The following STEAP1B variants were observed in gnomAD, a reference collection of about 807,000 sequenced individuals.
The protein encoded by STEAP1B is STEAP family protein MGC87042.
In STEAP1B, 13 loss-of-function variants were observed where a neutral mutation model predicts 27.9. The ratio of observed to expected loss-of-function variants is 0.47; its 90% CI spans 0.30 to 0.74. The LOEUF is 0.74. Among genes scored for constraint, STEAP1B ranks in the 30% least tolerant of loss-of-function variants. The probability of loss-of-function intolerance (pLI) is 0.06; values close to 1 mark genes in which losing one functional copy is unlikely to be tolerated. For synonymous variants in STEAP1B, 86 were observed against 107.1 expected, an observed-to-expected ratio of 0.80 and a Z score of 1.22; for missense variants, 250 against 298.7, an observed-to-expected ratio of 0.84 and a Z score of 1.20.
At chr7:22,495,106 T>C (rs7788286) in intron 1 of STEAP1B, among the ~76,000 whole-genome samples, 13,012 of 152,284 alleles carry the variant, frequency 0.085, 646 homozygotes, top group African/African-American at 0.094. Context: ...CTTTATCCAC[T>C]TATTTGTTCA....
chr7:22,478,041 C>G (rs1387876076), intron 4 of STEAP1B, among the ~76,000 whole-genome samples: 1 of 152,196 alleles, frequency 6.6e-6, no homozygotes, highest in East Asian at 1.9e-4. Context: ...CAGCAAAGCT[C>G]TGGAGCTGGG....
intron 4 of STEAP1B, among the ~76,000 whole-genome samples, chr7:22,488,873 G>A (rs1786267669): frequency 6.6e-6 from 1 of 152,184 alleles, no homozygotes; most frequent in Non-Finnish European, 1.5e-5. Context: ...AAGGCTCTTA[G>A]AAATAAGCCA....
intron 4 of STEAP1B, among the ~76,000 whole-genome samples, chr7:22,456,312 G>C (rs1785578159): frequency 2.0e-5 from 3 of 152,206 alleles, no homozygotes; most frequent in Admixed American, 2.0e-4. Context: ...TTCCAAGGAA[G>C]AAATCGTGCT....
At chr7:22,462,065 A>G (rs946646031) in intron 4 of STEAP1B, among the ~76,000 whole-genome samples, 1 of 152,150 alleles carries the variant, frequency 6.6e-6, no homozygotes, top group Non-Finnish European at 1.5e-5. Flanking sequence ...CCTTTCTCAC[A>G]ATACTAAAAT....
chr7:22,489,616 T>C (rs971130269), intron 4 of STEAP1B, among the ~76,000 whole-genome samples: 1 of 152,170 alleles, frequency 6.6e-6, no homozygotes, highest in Non-Finnish European at 1.5e-5. Flanking sequence ...GTGAACAGCA[T>C]GTGACCGTGA....
At chr7:22,476,296 AAAG>A (rs1395906283) in intron 4 of STEAP1B, among the ~76,000 whole-genome samples, 2 of 152,192 alleles carry the variant, frequency 1.3e-5, no homozygotes, top group South Asian at 2.1e-4. Flanking sequence ...TTGAGAGGCC[AAAG>A]AAGAGACCCA....
At chr7:22,478,677 C>T (rs1786015041) in intron 4 of STEAP1B, among the ~76,000 whole-genome samples, 1 of 152,154 alleles carries the variant, frequency 6.6e-6, no homozygotes, top group African/African-American at 2.4e-5. Context: ...AAAAATCTTA[C>T]TTGGGGGGGG....
intron 4 of STEAP1B, among the ~76,000 whole-genome samples, chr7:22,471,121 C>T (rs1332427913): frequency 6.6e-6 from 1 of 152,182 alleles, no homozygotes; most frequent in Non-Finnish European, 1.5e-5. Context: ...GGAGTGCAGC[C>T]GATGCTTTTC....
intron 4 of STEAP1B, chr7:22,492,319 C>CAAAAAAAAAAAAAAAAAAAAAAAA (rs56679156): frequency 3.7e-5 from 2 of 54,414 alleles, no homozygotes; most frequent in African/African-American, 9.3e-5. Context: ...ACTTCATCTC[C>CAAAAAAAAAAAAAAAAAAAAAAAA]AAAAAAAAAA....
intron 1 of STEAP1B, among the ~76,000 whole-genome samples, chr7:22,499,221 T>C (rs562958583): frequency 6.6e-6 from 1 of 152,364 alleles, no homozygotes; most frequent in Admixed American, 6.5e-5. Context: ...TGTTCCTAAA[T>C]GTTGGCACAG....
chr7:22,427,050 G>A (rs1438581400), intron 4 of STEAP1B, among the ~76,000 whole-genome samples: 1 of 152,246 alleles, frequency 6.6e-6, no homozygotes, highest in African/African-American at 2.4e-5. Context: ...GAGGAATAGA[G>A]AGGTAGCTGG....
intron 4 of STEAP1B, among the ~76,000 whole-genome samples, chr7:22,427,181 C>G (rs1241189675): frequency 6.6e-6 from 1 of 152,194 alleles, no homozygotes; most frequent in Non-Finnish European, 1.5e-5. Flanking sequence ...ACGAAAAGAC[C>G]TTGCAGGATG....
In STEAP1B at chr7:22,464,948, C is replaced by CATATATATATATATATATATGT. The variant is rs75308240; in HGVS notation, c.762+27616_762+27617insACATATATATATATATATATAT. On this transcript the variant is annotated intron_variant, in intron 4 of 4. Transcript: ENST00000678116. ...CGAAACCACAGACAGTACCAAACCC[C>CATATATATATATATATATATGT]ATATATATATATATATGTAGGCACA... is the stretch of plus-strand genomic sequence containing the variant. 2.7e-4 allele frequency among the ~76,000 whole-genome samples: 12 copies of CATATATATATATATATATATGT among 45,036 alleles called. 3 individuals are homozygous for CATATATATATATATATATATGT. The highest frequency in any genetic ancestry group is 6.2e-4 in the African/African-American group (11 of 17,792). The allele number at this position is 45,036 out of a possible 152,430, so 29.5% of individuals were successfully genotyped here.
intron 4 of STEAP1B, among the ~76,000 whole-genome samples, chr7:22,468,471 G>C (rs1018293096): frequency 3.3e-5 from 5 of 152,064 alleles, no homozygotes; most frequent in African/African-American, 9.7e-5. Flanking sequence ...CAGCCACTTT[G>C]GAAAATCATT....
chr7:22,466,286 G>C (rs192208689), intron 4 of STEAP1B, among the ~76,000 whole-genome samples: 15 of 152,178 alleles, frequency 9.9e-5, no homozygotes, highest in Admixed American at 9.2e-4. Flanking sequence ...AAATTGTGTG[G>C]CGTGGGGGTT....
intron 4 of STEAP1B, among the ~76,000 whole-genome samples, chr7:22,484,673 A>G (rs1032857569): frequency 1.3e-5 from 2 of 152,244 alleles, no homozygotes; most frequent in African/African-American, 4.8e-5. Context: ...TATATTTTAT[A>G]AGGCCAGAGA....
chr7:22,488,905 C>T (rs895491499), intron 4 of STEAP1B, among the ~76,000 whole-genome samples: 20 of 152,272 alleles, frequency 1.3e-4, no homozygotes, highest in African/African-American at 4.3e-4. Context: ...CATCTTGCCA[C>T]GGACAAGTCC....
At chr7:22,471,866 G>GCA (rs1785890364) in intron 4 of STEAP1B, among the ~76,000 whole-genome samples, 2 of 130,332 alleles carry the variant, frequency 1.5e-5, no homozygotes, top group Non-Finnish European at 3.1e-5. Flanking sequence ...TTGCACCAGT[G>GCA]CACTCCCGCC....
chr7:22,496,661 A>G (rs936822943), intron 1 of STEAP1B, among the ~76,000 whole-genome samples: 7 of 152,236 alleles, frequency 4.6e-5, no homozygotes, highest in African/African-American at 1.7e-4. Context: ...AACATGCTAT[A>G]CAGATTAGCA....
Sources: gnomAD v4.1 joint callset for allele counts (sites outside exome capture counted in the v4.1 genomes callset) on GRCh38, gnomAD v4.1.1 for gene constraint, MANE v1.5 for transcripts, NCBI Gene and HGNC (gene_info 2026-07-23, HGNC 2026-07-21) for gene names.